STOX2: variants seen among roughly 807,000 people sequenced by gnomAD.
STOX2 encodes storkhead box 2.
In STOX2, 28 loss-of-function variants were observed where a neutral mutation model predicts 60.9. The ratio of observed to expected loss-of-function variants is 0.46; its 90% CI spans 0.34 to 0.63. The LOEUF is 0.63. Among genes scored for constraint, STOX2 ranks in the 30% least tolerant of loss-of-function variants. The probability of loss-of-function intolerance (pLI) is 0.01; values close to 1 mark genes in which losing one functional copy is unlikely to be tolerated. For synonymous variants in STOX2, 472 were observed against 463.9 expected, an observed-to-expected ratio of 1.02 and a Z score of -0.22; for missense variants, 1,024 against 1,187.7, an observed-to-expected ratio of 0.86 and a Z score of 2.03.
chr4:183,993,829 G>C (rs1372729207), intron 1 of STOX2, among the ~76,000 whole-genome samples: 1 of 152,176 alleles, frequency 6.6e-6, no homozygotes, highest in Non-Finnish European at 1.5e-5. Context: ...GGTTTCAAAG[G>C]AAAGCTGCTT....
chr4:183,928,677 C>T (rs1015043745), intron 1 of STOX2, among the ~76,000 whole-genome samples: 12 of 152,158 alleles, frequency 7.9e-5, no homozygotes, highest in African/African-American at 1.9e-4. Flanking sequence ...TGTATCTCCA[C>T]GGGCCTGTTC....
At chr4:183,973,917 C>A (rs1000893952) in intron 1 of STOX2, among the ~76,000 whole-genome samples, 2 of 152,180 alleles carry the variant, frequency 1.3e-5, no homozygotes, top group African/African-American at 4.8e-5. Context: ...TTGCTTTAAC[C>A]CAGGAGGCAG....
intron 1 of STOX2, among the ~76,000 whole-genome samples, chr4:183,802,636 C>T (rs965587077): frequency 2.0e-5 from 3 of 150,836 alleles, no homozygotes; most frequent in Admixed American, 1.3e-4. Context: ...GGCGGAGTCT[C>T]GCTCTGTCGC....
chr4:183,950,041 G>T (rs371941862), intron 1 of STOX2, among the ~76,000 whole-genome samples: 6 of 152,272 alleles, frequency 3.9e-5, no homozygotes, highest in Non-Finnish European at 8.8e-5. Context: ...TCTCACTATT[G>T]TACAGCATTT....
At chr4:183,923,788 C>G (rs1448332146) in intron 1 of STOX2, among the ~76,000 whole-genome samples, 1 of 152,042 alleles carries the variant, frequency 6.6e-6, no homozygotes, top group Non-Finnish European at 1.5e-5. Context: ...TCAGATGAGT[C>G]CTTACCTGGG....
At chr4:183,917,221 A>G (rs1741957119) in intron 1 of STOX2, among the ~76,000 whole-genome samples, 1 of 152,238 alleles carries the variant, frequency 6.6e-6, no homozygotes. Flanking sequence ...TGCGTGGTTG[A>G]TGCCCCAGGG....
intron 1 of STOX2, among the ~76,000 whole-genome samples, chr4:183,898,908 C>G (rs1486164238): frequency 1.3e-5 from 2 of 152,156 alleles, no homozygotes; most frequent in African/African-American, 4.8e-5. Flanking sequence ...TTCCACTTTG[C>G]AGATATTGCA....
intron 1 of STOX2, among the ~76,000 whole-genome samples, chr4:183,896,862 G>A (rs1741350517): frequency 6.6e-6 from 1 of 152,200 alleles, no homozygotes; most frequent in African/African-American, 2.4e-5. Context: ...AATGTCCAGA[G>A]TTATATTTTT....
chr4:183,886,324 G>GAGGGTGAAGGTTCCGAT (rs1276420829), intron 1 of STOX2, among the ~76,000 whole-genome samples: 2 of 148,494 alleles, frequency 1.3e-5, no homozygotes, highest in Admixed American at 6.8e-5. Flanking sequence ...GCAAGATCAG[G>GAGGGTGAAGGTTCCGAT]GTCACTAGGA....
At chr4:183,916,900 C>G (rs1202542468) in intron 1 of STOX2, among the ~76,000 whole-genome samples, 3 of 152,206 alleles carry the variant, frequency 2.0e-5, no homozygotes, top group African/African-American at 7.2e-5. Flanking sequence ...GAGTTTAGAA[C>G]TTAGTTCCTT....
At chr4:183,898,649 C>T (rs1371132723) in intron 1 of STOX2, among the ~76,000 whole-genome samples, 1 of 152,124 alleles carries the variant, frequency 6.6e-6, no homozygotes, top group African/African-American at 2.4e-5. Context: ...ATCCAGAGAA[C>T]ACCCAGTACT....
chr4:183,939,107 T>A (rs1579442473), intron 1 of STOX2, among the ~76,000 whole-genome samples: 1 of 152,344 alleles, frequency 6.6e-6, no homozygotes, highest in South Asian at 2.1e-4. Flanking sequence ...GTTTAAGTGA[T>A]TTGTAATAAT....
intron 1 of STOX2, among the ~76,000 whole-genome samples, chr4:183,886,520 G>C (rs1295558372): frequency 1.3e-5 from 2 of 152,200 alleles, no homozygotes; most frequent in East Asian, 3.9e-4. Context: ...GGACACAAGA[G>C]AAAGGGGAAA....
chr4:183,798,372 G>A (rs1045830813), intron 1 of STOX2, among the ~76,000 whole-genome samples: 17 of 150,812 alleles, frequency 1.1e-4, no homozygotes, highest in Non-Finnish European at 2.4e-4. Context: ...CTCGGAGGGC[G>A]CGGCGCTCGG....
intron 1 of STOX2, among the ~76,000 whole-genome samples, chr4:183,990,577 G>GTTTT (rs1733059510): frequency 1.2e-5 from 1 of 83,286 alleles, no homozygotes; most frequent in Non-Finnish European, 2.4e-5. Context: ...TAAAAAGCAG[G>GTTTT]ATTTTTTTTT....
chr4:183,928,756 G>T (rs538129383), intron 1 of STOX2, among the ~76,000 whole-genome samples: 5 of 150,144 alleles, frequency 3.3e-5, no homozygotes, highest in African/African-American at 1.2e-4. Context: ...AGTGAGCCGA[G>T]ATCACACCAC....
intron 1 of STOX2, among the ~76,000 whole-genome samples, chr4:183,890,044 G>C (rs1357314935): frequency 6.6e-6 from 1 of 152,094 alleles, no homozygotes; most frequent in Non-Finnish European, 1.5e-5. Flanking sequence ...ATATTACATA[G>C]TATTTCTTGG....
chr4:183,931,629 C>T (rs922179908), intron 1 of STOX2, among the ~76,000 whole-genome samples: 9 of 152,040 alleles, frequency 5.9e-5, no homozygotes, highest in Non-Finnish European at 1.0e-4. Context: ...TTCACTATAC[C>T]GTAAAGGTAG....
chr4:183,812,312 G>A (rs1739052789), intron 1 of STOX2, among the ~76,000 whole-genome samples: 1 of 147,782 alleles, frequency 6.8e-6, no homozygotes, highest in South Asian at 2.2e-4. Flanking sequence ...CAGCAAATTT[G>A]CATGTAATTT....
Sources: gnomAD v4.1 joint callset for allele counts (sites outside exome capture counted in the v4.1 genomes callset) on GRCh38, gnomAD v4.1.1 for gene constraint, MANE v1.5 for transcripts, NCBI Gene and HGNC (gene_info 2026-07-23, HGNC 2026-07-21) for gene names.